Variants in KCNQ1 observed in about 807,000 individuals in gnomAD.
KCNQ1 encodes potassium voltage-gated channel subfamily KQT member 1.
Under a neutral mutation model 72.4 loss-of-function variants are expected in KCNQ1, and 49 were observed. The ratio of observed to expected loss-of-function variants is 0.68; its 90% CI spans 0.54 to 0.86. The LOEUF (loss-of-function observed/expected upper bound fraction) is 0.86. Among genes scored for constraint, KCNQ1 ranks in the 40% least tolerant of loss-of-function variants. The pLI is 0.00. For missense variants in KCNQ1, 790 were observed against 945.1 expected (o/e 0.84, Z 2.15); for synonymous variants, 450 against 412.6 (o/e 1.09, Z -1.10).
At chr11:2,518,630 G>T (rs1371764579) in intron 1 of KCNQ1, among the ~76,000 whole-genome samples, 1 of 152,216 alleles carries the variant, frequency 6.6e-6, no homozygotes, top group Non-Finnish European at 1.5e-5. Context: ...TTAATCTCCA[G>T]ATGGCTCCTG....
chr11:2,608,236 C>A lies in KCNQ1; in HGVS notation c.1393+19382C>A, dbSNP rs1425435911. The A allele has an allele frequency of 2.5e-6, 1 of 395,770 alleles. No individual in the cohort carries two copies. Among genetic ancestry groups the A allele is most frequent in the Non-Finnish European group, 4.4e-6 (1 of 224,998 alleles). The allele number at this position is 395,770 out of a possible 1,614,324, so 24.5% of individuals were successfully genotyped here. A position where few individuals can be genotyped will look rare whatever the true frequency, so the allele number is the denominator to read the frequency against. The stretch of plus-strand genomic sequence containing the variant: ...TATTTGTTAGATTCACTCATCTGGC[C>A]CTCTTGGGCTTTTCTTTTCAACTAG... On this transcript the variant is annotated intron_variant, in intron 10 of 15. Transcript: ENST00000155840. This position sits in a 1 kb window ranked among gnomAD's most constrained non-coding sequence, Gnocchi z 4.6.
At chr11:2,575,348 G>A (rs955504013) in intron 6 of KCNQ1, among the ~76,000 whole-genome samples, 13 of 152,068 alleles carry the variant, frequency 8.5e-5, no homozygotes, top group African/African-American at 2.7e-4. Context: ...GCCAGGCCCC[G>A]CGCCCCTGGT....
intron 10 of KCNQ1, chr11:2,648,836 G>T: frequency 2.5e-6 from 1 of 398,390 alleles, no homozygotes; most frequent in Non-Finnish European, 4.4e-6. Flanking sequence ...TTGTATTGGG[G>T]TCTATCTCTT....
intron 11 of KCNQ1, among the ~76,000 whole-genome samples, chr11:2,763,115 A>G (rs1000639611): frequency 2.6e-5 from 4 of 152,242 alleles, no homozygotes; most frequent in Non-Finnish European, 2.9e-5. Flanking sequence ...ATCATATTTA[A>G]TCCACACCTC....
chr11:2,534,388 G>A (rs778012006), intron 2 of KCNQ1, among the ~76,000 whole-genome samples: 2 of 152,254 alleles, frequency 1.3e-5, no homozygotes, highest in African/African-American at 2.4e-5. Flanking sequence ...GGGAAAAGAC[G>A]CAGAGCAAAG....
At chr11:2,778,227 C>T (rs1846748178) in intron 15 of KCNQ1, among the ~76,000 whole-genome samples, 190 bp downstream of exon 15, 1 of 152,256 alleles carries the variant, frequency 6.6e-6, no homozygotes, top group South Asian at 2.1e-4. Context: ...GGCATTGGTC[C>T]CCCATGGAAG....
chr11:2,700,029 G>C, intron 11 of KCNQ1: 1 of 398,188 alleles, frequency 2.5e-6, no homozygotes, highest in East Asian at 3.6e-5. Flanking sequence ...GACTGCCCCC[G>C]CCGCTGCCGA....
chr11:2,646,377 T>C (rs1849665964), intron 10 of KCNQ1: 1 of 398,534 alleles, frequency 2.5e-6, no homozygotes, highest in South Asian at 1.3e-4. Context: ...CTTCAATTAC[T>C]GTTATCAGTA....
rs1274229345 is a variant in KCNQ1, at chr11:2,671,415, G to C, written c.1514+9334G>C. ...GCCTCTCCCAGGGTACTCTGGATGT[G>C]CACCCAGAGATTCTCCCACTTTAGC... On this transcript the variant is annotated intron_variant, in intron 11 of 15. Coordinates refer to ENST00000155840, the MANE Select transcript of KCNQ1 (RefSeq NM_000218.3). This position sits in a 1 kb window ranked among gnomAD's most constrained non-coding sequence, Gnocchi z 4.7. 2.5e-6 allele frequency: 1 copy of C among 398,488 alleles called. No homozygotes were observed. The highest frequency in any genetic ancestry group is 4.4e-6 in the Non-Finnish European group (1 of 226,078). 24.7% of individuals were successfully genotyped at this position (398,488 alleles called of 1,614,324 possible).
Position 2,697,970 on chromosome 11 carries a change from C to T in KCNQ1, c.1514+35889C>T, listed in dbSNP as rs1247695688. 13 of 398,644 alleles carry T rather than the reference C, an allele frequency of 3.3e-5. No homozygotes were observed. Among genetic ancestry groups the T allele is most frequent in the Middle Eastern group, 6.3e-4 (1 of 1,588 alleles). 24.7% of individuals were successfully genotyped at this position (398,644 alleles called of 1,614,324 possible). Reference sequence around the variant, plus strand: ...TTAAAATACACCCATAATCAAGCAACTCAATCCTTAAATTTTTCTCCTACT... The same window carrying T: ...TTAAAATACACCCATAATCAAGCAATTCAATCCTTAAATTTTTCTCCTACT... On this transcript the variant is annotated intron_variant, in intron 11 of 15. Coordinates refer to ENST00000155840, the MANE Select transcript of KCNQ1 (RefSeq NM_000218.3).
chr11:2,831,298 A>G (rs187914332), intron 15 of KCNQ1, among the ~76,000 whole-genome samples: 1 of 152,286 alleles, frequency 6.6e-6, no homozygotes, highest in Admixed American at 6.5e-5. Flanking sequence ...GAGAAGAAGT[A>G]TGTGGCCCGG....
chr11:2,661,194 T>G lies in KCNQ1; in HGVS notation c.1394-767T>G, dbSNP rs891271578. On this transcript the variant is annotated intron_variant, in intron 10 of 15. Transcript: ENST00000155840. This position sits in a 1 kb window ranked among gnomAD's most constrained non-coding sequence, Gnocchi z 5.9. Reference sequence around the variant, plus strand: ...TGACCTTGGGGGAGGAAAGCCATTGTGAATCTTTGAATTATTCCACTTCTC... The same window carrying G: ...TGACCTTGGGGGAGGAAAGCCATTGGGAATCTTTGAATTATTCCACTTCTC... 5.0e-6 allele frequency: 2 copies of G among 398,640 alleles called. No homozygotes were observed. The highest frequency in any genetic ancestry group is 4.4e-5 in the Admixed American group (1 of 22,726). 24.7% of individuals were successfully genotyped at this position (398,640 alleles called of 1,614,324 possible). A position where few individuals can be genotyped will look rare whatever the true frequency, so the allele number is the denominator to read the frequency against.
chr11:2,465,950 G>A (rs969646547), intron 1 of KCNQ1, among the ~76,000 whole-genome samples: 1 of 152,212 alleles, frequency 6.6e-6, no homozygotes, highest in Non-Finnish European at 1.5e-5. Flanking sequence ...CTCATGACCT[G>A]CCCTGTCCTT....
Position 2,466,616 on chromosome 11 carries a change from T to C in KCNQ1, c.386+21132T>C, listed in dbSNP as rs574887070. Among the ~76,000 whole-genome samples the C allele has an allele frequency of 1.2e-4, 19 of 152,242 alleles. 1 individual carries two copies. The South Asian group carries it at 3.9e-3, about 32-fold the overall frequency. Reference sequence around the variant, plus strand: ...CCAGCCTTGCCCGGGGGCACAGCCATCAGCAGGCCAGAAGTCCTCAGGAGA... The same window carrying C: ...CCAGCCTTGCCCGGGGGCACAGCCACCAGCAGGCCAGAAGTCCTCAGGAGA... On this transcript the variant is annotated intron_variant, in intron 1 of 15. Coordinates refer to ENST00000155840, the MANE Select transcript of KCNQ1 (RefSeq NM_000218.3).
chr11:2,621,638 C>A lies in KCNQ1; in HGVS notation c.1393+32784C>A, dbSNP rs1387851107. On this transcript the variant is annotated intron_variant, in intron 10 of 15. Transcript: ENST00000155840. The surrounding 1 kb of genome is among the most constrained non-coding windows in gnomAD (Gnocchi z 5.7). ...GTTGGTTTTTTTCTAGGAATTTGTCCATTTCCTCTAGGTTATCCAATTTGT... is the reference window on the plus strand; with the variant it reads ...GTTGGTTTTTTTCTAGGAATTTGTCAATTTCCTCTAGGTTATCCAATTTGT... The A allele has an allele frequency of 4.5e-5, 18 of 398,200 alleles. No homozygotes were observed. The allele number at this position is 398,200 out of a possible 1,614,324, so 24.7% of individuals were successfully genotyped here.
At position 2,620,481 on chromosome 11, in the gene KCNQ1, G is replaced by A; in HGVS notation, c.1393+31627G>A. 1 of 346,984 alleles carries A rather than the reference G, an allele frequency of 2.9e-6. No homozygotes were observed. The highest frequency in any genetic ancestry group is 5.1e-6 in the Non-Finnish European group (1 of 194,790). 21.5% of individuals were successfully genotyped at this position (346,984 alleles called of 1,614,324 possible). ...TCCACCCGCCTTGGCCTCCCAAAGT[G>A]CTGGGATTACAGGTGAGAGCTACCG... On this transcript the variant is annotated intron_variant, in intron 10 of 15. Coordinates refer to ENST00000155840, the MANE Select transcript of KCNQ1 (RefSeq NM_000218.3). This position sits in a 1 kb window ranked among gnomAD's most constrained non-coding sequence, Gnocchi z 4.5.
At chr11:2,522,617 C>T (rs1272968392) in intron 1 of KCNQ1, among the ~76,000 whole-genome samples, 5 of 152,234 alleles carry the variant, frequency 3.3e-5, no homozygotes, top group Admixed American at 2.0e-4. Context: ...TAAGCTTTGT[C>T]ATATAATTCC....
At position 2,668,466 on chromosome 11, in the gene KCNQ1, G is replaced by A. The variant is rs754318582; in HGVS notation, c.1514+6385G>A. 18 of 398,438 alleles carry A rather than the reference G, an allele frequency of 4.5e-5. No individual in the cohort carries two copies. Among genetic ancestry groups the A allele is most frequent in the African/African-American group, 6.2e-5 (3 of 48,610 alleles). The allele number at this position is 398,438 out of a possible 1,614,324, so 24.7% of individuals were successfully genotyped here. A position where few individuals can be genotyped will look rare whatever the true frequency, so the allele number is the denominator to read the frequency against. On this transcript the variant is annotated intron_variant, in intron 11 of 15. Coordinates refer to ENST00000155840, the MANE Select transcript of KCNQ1 (RefSeq NM_000218.3). This position sits in a 1 kb window ranked among gnomAD's most constrained non-coding sequence, Gnocchi z 4.3. The stretch of plus-strand genomic sequence containing the variant: ...CACATCCTAACACTTGGCATTTTCC[G>A]TCGTTTCCTTTTCAGCCATGATGGT...
At chr11:2,576,046 T>C (rs1234457334) in intron 6 of KCNQ1, among the ~76,000 whole-genome samples, 1 of 152,262 alleles carries the variant, frequency 6.6e-6, no homozygotes. Context: ...CACTTGCTGT[T>C]GGCTTTAGGG....
Sources: allele counts gnomAD v4.1 joint callset (sites outside exome capture counted in the v4.1 genomes callset), GRCh38; gene constraint gnomAD v4.1.1; non-coding constraint Gnocchi (gnomAD v3.1); transcripts MANE v1.5; gene names NCBI Gene and HGNC (gene_info 2026-07-23, HGNC 2026-07-21).